LONRF1: variants seen among roughly 807,000 people sequenced by gnomAD.
The protein encoded by LONRF1 is LON peptidase N-terminal domain and ring finger 1, also known as LON peptidase N-terminal domain and RING finger protein 1.
Under a neutral mutation model 85.8 loss-of-function variants are expected in LONRF1, and 37 were observed. That is an observed-to-expected ratio of 0.43 (90% CI 0.33 to 0.57). The LOEUF is 0.57. Ranked by LOEUF, LONRF1 falls within the 20% of genes least tolerant of loss-of-function variation. LONRF1 has a pLI of 0.04. For missense variants in LONRF1, 1,036 were observed against 978.0 expected (o/e 1.06, Z -0.79); for synonymous variants, 517 against 390.1 (o/e 1.33, Z -3.83).
chr8:12,732,472 AC>A (rs1585230255), intron 7 of LONRF1, among the ~76,000 whole-genome samples: 1 of 152,088 alleles, frequency 6.6e-6, no homozygotes, highest in East Asian at 1.9e-4. Flanking sequence ...TGATCCATCT[AC>A]CCCAGCTCTA....
At position 12,755,394 on chromosome 8, in the gene LONRF1, G is replaced by C; in HGVS notation, c.27C>G (p.Thr9=). The stretch of plus-strand genomic sequence containing the variant: ...CCATCTCCCGACTCCCTCCTGGGGA[G>C]GTCCTCGCCACCGCCGGAGAGGACA... MSSPAVAR[T]SPGGSREMAP... Residue 9 remains threonine, a synonymous_variant, in exon 1 of 12, where the codon ACC becomes ACG. Transcript: ENST00000398246. The C allele has an allele frequency of 8.5e-7, 1 of 1,173,352 alleles. No homozygotes were observed. The highest frequency in any genetic ancestry group is 1.1e-6 in the Non-Finnish European group (1 of 950,360). 72.7% of individuals were successfully genotyped at this position (1,173,352 alleles called of 1,614,324 possible).
In LONRF1 at chr8:12,740,896, G is replaced by A. The variant is rs1437332456; in HGVS notation, c.941C>T (p.Pro314Leu). 1 of 1,613,138 alleles carries A rather than the reference G, an allele frequency of 6.2e-7. No homozygotes were observed. The highest frequency in any genetic ancestry group is 8.5e-7 in the Non-Finnish European group (1 of 1,179,554). Residue 314 changes from proline (P) to leucine (L), a missense_variant, in exon 3 of 12, where the codon CCT becomes CTT. By Grantham distance (98) the Pro-to-Leu change is moderately conservative. Coordinates refer to ENST00000398246, the MANE Select transcript of LONRF1 (RefSeq NM_152271.5). Reference protein sequence around the residue: ...QCLALDEDFAPAKLQVQKILC... With the variant: ...QCLALDEDFALAKLQVQKILC... Reference sequence around the variant, plus strand: ...TACCTTTTGTACTTGCAGCTTTGCAGGTGCAAAATCTTCATCAAGGGCTAA... The same window carrying A: ...TACCTTTTGTACTTGCAGCTTTGCAAGTGCAAAATCTTCATCAAGGGCTAA...
chr8:12,754,039 C>T (rs1799522142), intron 1 of LONRF1: 1 of 152,378 alleles, frequency 6.6e-6, no homozygotes, highest in African/African-American at 2.4e-5. Flanking sequence ...GCAGCTCCGC[C>T]CCAAGCCCCA....
intron 3 of LONRF1, among the ~76,000 whole-genome samples, chr8:12,740,662 A>C (rs1585243680): frequency 6.6e-6 from 1 of 152,232 alleles, no homozygotes; most frequent in Non-Finnish European, 1.5e-5. Context: ...AAAAAAATGC[A>C]TTGAAATATC....
intron 1 of LONRF1, among the ~76,000 whole-genome samples, chr8:12,752,337 A>G (rs1358203017): frequency 1.3e-5 from 2 of 152,214 alleles, no homozygotes; most frequent in African/African-American, 4.8e-5. Flanking sequence ...ATAAATTGTG[A>G]GACACTTATA....
rs1348306303 is a variant in LONRF1, at chr8:12,736,801, T to C, written c.1355-4A>G. ...ATACAGACTTCATTGGGAGTTTCTATTAAAACAAAGACATGGGGTTTTCTT... is the reference window on the plus strand; with the variant it reads ...ATACAGACTTCATTGGGAGTTTCTACTAAAACAAAGACATGGGGTTTTCTT... On this transcript the variant is annotated splice_polypyrimidine_tract_variant and splice_region_variant and intron_variant, in intron 5 of 11. Transcript: ENST00000398246. 4 of 1,600,536 alleles carry C rather than the reference T, an allele frequency of 2.5e-6. No homozygotes were observed. The African/African-American group carries it at 5.4e-5, about 22-fold the overall frequency.
intron 1 of LONRF1, among the ~76,000 whole-genome samples, chr8:12,750,804 C>T (rs1396009440): frequency 6.6e-6 from 1 of 152,154 alleles, no homozygotes. Flanking sequence ...TTACTCTCTA[C>T]CAAGTGATAG....
chr8:12,748,710 T>C (rs1410928714), intron 1 of LONRF1, among the ~76,000 whole-genome samples: 1 of 152,204 alleles, frequency 6.6e-6, no homozygotes, highest in African/African-American at 2.4e-5. Flanking sequence ...GTGTATAAAG[T>C]TCTCTATTCA....
intron 3 of LONRF1, among the ~76,000 whole-genome samples, chr8:12,739,503 G>A (rs1312837935): frequency 6.6e-6 from 1 of 152,182 alleles, no homozygotes; most frequent in Non-Finnish European, 1.5e-5. Flanking sequence ...GAAAGGAGAT[G>A]AAGGTACTTT....
Position 12,725,765 on chromosome 8 carries a change from G to A in LONRF1, c.2125C>T (p.His709Tyr). 6.2e-7 allele frequency: 1 copy of A among 1,613,676 alleles called. No homozygotes were observed. Among genetic ancestry groups the A allele is most frequent in the Non-Finnish European group, 8.5e-7 (1 of 1,179,636 alleles). ...RDRFRSQILQ[H>Y]FGSMPEREEN... ...TCCCTCTCGGGCATTGATCCGAAAT[G>A]CTGAAGAATTTGGCTTCGAAATCTG... Residue 709 changes from histidine (H) to tyrosine (Y), a missense_variant, in exon 11 of 12, where the codon CAT (histidine) becomes TAT (tyrosine). Physicochemically the swap from His to Tyr is moderately conservative, Grantham distance 83. Coordinates refer to ENST00000398246, the MANE Select transcript of LONRF1 (RefSeq NM_152271.5).
At chr8:12,738,435 G>A (rs370766642) in intron 3 of LONRF1, among the ~76,000 whole-genome samples, 91 of 152,114 alleles carry the variant, frequency 6.0e-4, no homozygotes, top group African/African-American at 2.1e-3. Flanking sequence ...ACTATAAAAA[G>A]ATCTTAAAAG....
intron 1 of LONRF1, among the ~76,000 whole-genome samples, chr8:12,748,974 G>C (rs145559795): frequency 6.6e-6 from 1 of 152,080 alleles, no homozygotes; most frequent in Non-Finnish European, 1.5e-5. Context: ...CAGAAATTGG[G>C]TTCAGATCCC....
intron 1 of LONRF1, among the ~76,000 whole-genome samples, chr8:12,750,708 T>C (rs1259179499): frequency 2.0e-5 from 3 of 152,236 alleles, no homozygotes; most frequent in Non-Finnish European, 4.4e-5. Flanking sequence ...GATCTTCTGA[T>C]AGCTAAAGCT....
At position 12,751,296 on chromosome 8, in the gene LONRF1, G is replaced by GTTTTTTTTTTTTTTTTTTT. The variant is rs869038024; in HGVS notation, c.721+3385_721+3403dup. ...TCAAGGATTATATTTTTATTTTTATGTTTTTTTTTTTTTTTTTTTTTTTTG... is the reference window on the plus strand; with the variant it reads ...TCAAGGATTATATTTTTATTTTTATGTTTTTTTTTTTTTTTTTTTTTTTTTTTTTTTTTTTTTTTTTTTG... On this transcript the variant is annotated intron_variant, in intron 1 of 11. Transcript: ENST00000398246. Among the ~76,000 whole-genome samples the GTTTTTTTTTTTTTTTTTTT allele has an allele frequency of 1.2e-4, 8 of 69,532 alleles. 1 individual carries two copies. Among genetic ancestry groups the GTTTTTTTTTTTTTTTTTTT allele is most frequent in the Admixed American group, 1.7e-4 (1 of 5,744 alleles). 45.6% of individuals were successfully genotyped at this position (69,532 alleles called of 152,430 possible).
At chr8:12,751,453 A>G (rs1353881327) in intron 1 of LONRF1, among the ~76,000 whole-genome samples, 1 of 149,918 alleles carries the variant, frequency 6.7e-6, no homozygotes, top group African/African-American at 2.5e-5. Flanking sequence ...ACAGGCATGC[A>G]CCACCACGCC....
intron 7 of LONRF1, among the ~76,000 whole-genome samples, chr8:12,735,071 GT>G (rs1798667649): frequency 6.6e-6 from 1 of 152,032 alleles, no homozygotes; most frequent in South Asian, 2.1e-4. Context: ...GTACAAGGGG[GT>G]TGGTCTTCAG....
chr8:12,728,748 TAC>T (rs947474519), intron 10 of LONRF1, among the ~76,000 whole-genome samples, 151 bp downstream of exon 10: 1 of 152,176 alleles, frequency 6.6e-6, no homozygotes, highest in Admixed American at 6.5e-5. Context: ...CAGAGCAAGA[TAC>T]GAAAAAGGTA....
intron 10 of LONRF1, 116 bp downstream of exon 10, chr8:12,728,785 T>C (rs1798417681): frequency 1.8e-6 from 2 of 1,125,816 alleles, no homozygotes; most frequent in East Asian, 2.4e-5. Flanking sequence ...CTCATCACAG[T>C]GGTAAGGCTG....
Position 12,738,093 on chromosome 8 carries a change from A to T in LONRF1, c.1015T>A (p.Ser339Thr). The part of the protein sequence containing the change: ...PENLKEGLKE[S>T]SWSSLPCTKN... ...GTACATGGTAATGAACTCCAGGAAG[A>T]TTCCTTCAGGCCTTCTTTTAAGTTT... The change falls in exon 4 of 12, where the codon TCT becomes ACT. Residue 339 changes from serine to threonine, a missense_variant. Ser to Thr is a moderately conservative substitution (Grantham distance 58). Transcript: ENST00000398246. 1 of 1,607,002 alleles carries T rather than the reference A, an allele frequency of 6.2e-7. No homozygotes were observed. The highest frequency in any genetic ancestry group is 8.5e-7 in the Non-Finnish European group (1 of 1,175,964).
Sources: gnomAD v4.1 joint callset for allele counts (sites outside exome capture counted in the v4.1 genomes callset) on GRCh38, gnomAD v4.1.1 for gene constraint, MANE v1.5 for transcripts, NCBI Gene and HGNC (gene_info 2026-07-23, HGNC 2026-07-21) for gene names.